The following MCM4 variants were observed in gnomAD, a reference collection of about 807,000 sequenced individuals.
MCM4 encodes the protein DNA replication licensing factor MCM4.
A neutral mutation model predicts 88.7 loss-of-function variants in MCM4; 60 were observed. The observed-to-expected ratio is 0.68, with a 90% confidence interval of 0.55 to 0.84. The LOEUF is 0.84. Ranked by LOEUF, MCM4 falls within the 40% of genes least tolerant of loss-of-function variation. MCM4 has a pLI of 0.00. For missense variants in MCM4, 1,149 were observed against 1,105.5 expected (o/e 1.04, Z -0.56); for synonymous variants, 465 against 410.5 (o/e 1.13, Z -1.61).
intron 14 of MCM4, 120 bp downstream of exon 14, chr8:47,973,184 G>C (rs1416429324): frequency 1.0e-6 from 1 of 961,396 alleles, no homozygotes; most frequent in African/African-American, 1.6e-5. Context: ...TCTCTTCCTT[G>C]TTTTGAGACA....
At position 47,970,617 on chromosome 8, in the gene MCM4, C is replaced by T; in HGVS notation, c.1541C>T (p.Thr514Ile). Residue 514 changes from threonine to isoleucine, a missense_variant, in exon 12 of 17, where the codon ACC (threonine) becomes ATC (isoleucine). This residue lies in a region of MCM4 where 906 missense variants were observed against 843.0 expected (regional missense o/e 1.07). Coordinates refer to ENST00000649973, the MANE Select transcript of MCM4 (RefSeq NM_182746.3). Reference sequence around the variant, plus strand: ...ATCTTGCTGTGTGGCGACCCTGGTACCAGCAAGTCCCAGCTGCTGCAGTAC... The same window carrying T: ...ATCTTGCTGTGTGGCGACCCTGGTATCAGCAAGTCCCAGCTGCTGCAGTAC... ...INILLCGDPG[T>I]SKSQLLQYVY... 1.9e-6 allele frequency: 3 copies of T among 1,614,098 alleles called. No homozygotes were observed. Among genetic ancestry groups the T allele is most frequent in the East Asian group, 2.2e-5 (1 of 44,876 alleles).
chr8:47,973,009 C>T lies in MCM4; in HGVS notation c.2081C>T (p.Ala694Val), dbSNP rs748879338. Residue 694 changes from alanine (A) to valine (V), a missense_variant, in exon 14 of 17, where the codon GCG (alanine) becomes GTG (valine). Ala to Val is a moderately conservative substitution (Grantham distance 64, BLOSUM62 0). Around this residue, in one of 3 missense-constraint regions of MCM4, gnomAD observed 238 missense variants for 241.6 expected, o/e 0.99. Transcript: ENST00000649973. The stretch of plus-strand genomic sequence containing the variant: ...GTGCTAAAGGACTACATTGCCTACG[C>T]GCACAGCACCATCATGCCGCGGCTA... ...MAVLKDYIAY[A>V]HSTIMPRLSE... 14 of 1,614,098 alleles carry T rather than the reference C, an allele frequency of 8.7e-6. No homozygotes were observed. The highest frequency in any genetic ancestry group is 5.5e-5 in the South Asian group (5 of 91,082).
At position 47,972,993 on chromosome 8, in the gene MCM4, G is replaced by C; in HGVS notation, c.2065G>C (p.Asp689His). ...EELLDMAVLKDYIAYAHSTIM... is the reference protein window; with the variant it reads ...EELLDMAVLKHYIAYAHSTIM... ...GCTCCTGGACATGGCGGTGCTAAAG[G>C]ACTACATTGCCTACGCGCACAGCAC... The change falls in exon 14 of 17, where the codon GAC (aspartate) becomes CAC (histidine). Residue 689 changes from aspartate to histidine, a missense_variant. Asp to His is a moderately conservative substitution (Grantham distance 81, BLOSUM62 -1). Around this residue, in one of 3 missense-constraint regions of MCM4, gnomAD observed 238 missense variants for 241.6 expected, o/e 0.99. Transcript: ENST00000649973. 6.2e-7 allele frequency: 1 copy of C among 1,614,174 alleles called. No homozygotes were observed. Among genetic ancestry groups the C allele is most frequent in the Non-Finnish European group, 8.5e-7 (1 of 1,180,022 alleles).
At chr8:47,964,487 T>A (rs2090879470) in intron 7 of MCM4, 87 bp from the exon 8 acceptor site, 1 of 1,046,002 alleles carries the variant, frequency 9.6e-7, no homozygotes, top group African/African-American at 1.6e-5. Flanking sequence ...ACATGTTGTC[T>A]TTTTATACTT....
intron 5 of MCM4, 78 bp from the exon 6 acceptor site, chr8:47,962,686 C>A: frequency 2.5e-6 from 2 of 808,792 alleles, no homozygotes; most frequent in Non-Finnish European, 4.1e-6. Flanking sequence ...TAGTGACATA[C>A]TCATAACTTT....
chr8:47,961,352 G>T, intron 2 of MCM4, 138 bp downstream of exon 2: 1 of 1,481,068 alleles, frequency 6.8e-7, no homozygotes, highest in Non-Finnish European at 8.9e-7. Context: ...GGTGCGCACA[G>T]ACACCCACAG....
intron 8 of MCM4, among the ~76,000 whole-genome samples, chr8:47,964,916 A>G (rs1563831950): frequency 6.6e-6 from 1 of 152,232 alleles, no homozygotes; most frequent in African/African-American, 2.4e-5. Flanking sequence ...AGTTTCTGAT[A>G]TAAGAGATGT....
chr8:47,976,595 G>C, intron 16 of MCM4, 91 bp from the exon 17 acceptor site: 1 of 892,332 alleles, frequency 1.1e-6, no homozygotes, highest in South Asian at 1.5e-5. Flanking sequence ...AAGATTCTGG[G>C]TGGTACTTTA....
intron 14 of MCM4, 32 bp from the exon 15 acceptor site, chr8:47,974,702 T>C (rs947056868): frequency 1.3e-6 from 2 of 1,569,210 alleles, no homozygotes; most frequent in Non-Finnish European, 8.8e-7. Context: ...CAAGGAGGTT[T>C]GCTTTTGCTT....
chr8:47,975,697 G>C lies in MCM4; in HGVS notation c.2366-18G>C. On this transcript the variant is annotated intron_variant, in intron 15 of 16. Coordinates refer to ENST00000649973, the MANE Select transcript of MCM4 (RefSeq NM_182746.3). ...TCATAATAGCAAAAATGTTTTCATT[G>C]ATTTCTTTTTAAATCAGGGATGAGT... is the stretch of plus-strand genomic sequence containing the variant. 1 of 1,505,080 alleles carries C rather than the reference G, an allele frequency of 6.6e-7. No individual in the cohort carries two copies. The highest frequency in any genetic ancestry group is 8.8e-7 in the Non-Finnish European group (1 of 1,133,000). The allele number at this position is 1,505,080 out of a possible 1,614,324, so 93.2% of individuals were successfully genotyped here.
At position 47,975,846 on chromosome 8, in the gene MCM4, A is replaced by C. The variant is rs746394943; in HGVS notation, c.2497A>C (p.Ile833Leu). ...TGAAGATATTCGGGGACAATCTGAC[A>C]TAGTAAGTGTTTATATGTATTTTTT... ...LFEDIRGQSD[I>L]AITKDMFEEA... Residue 833 changes from isoleucine to leucine, a missense_variant and splice_region_variant, in exon 16 of 17, where the codon ATA becomes CTA. Transcript: ENST00000649973. The C allele has an allele frequency of 3.4e-5, 53 of 1,556,136 alleles. No homozygotes were observed. The highest frequency in any genetic ancestry group is 4.5e-5 in the Non-Finnish European group (52 of 1,158,396).
chr8:47,976,587 G>C, intron 16 of MCM4, 99 bp from the exon 17 acceptor site: 1 of 829,168 alleles, frequency 1.2e-6, no homozygotes, highest in Non-Finnish European at 1.9e-6. Context: ...AAAAGAGAAA[G>C]ATTCTGGGTG....
chr8:47,967,324 T>C, intron 9 of MCM4, 41 bp from the exon 10 acceptor site: 1 of 1,612,498 alleles, frequency 6.2e-7, no homozygotes, highest in South Asian at 1.1e-5. Flanking sequence ...CCCCCTGCCC[T>C]CTCTTTGTGG....
intron 16 of MCM4, among the ~76,000 whole-genome samples, chr8:47,976,305 AAAG>A (rs1209371401): frequency 3.3e-5 from 5 of 152,052 alleles, no homozygotes; most frequent in African/African-American, 1.2e-4. Context: ...AAAAAAAAAA[AAAG>A]AAAAAATTGT....
intron 14 of MCM4, 147 bp from the exon 15 acceptor site, chr8:47,974,587 T>A (rs1238449684): frequency 1.5e-6 from 1 of 680,178 alleles, no homozygotes; most frequent in Non-Finnish European, 2.6e-6. Flanking sequence ...GTCTGTGTAG[T>A]CTCTACCACT....
At chr8:47,964,532 T>G (rs2090879961) in intron 7 of MCM4, 42 bp from the exon 8 acceptor site, 2 of 1,488,656 alleles carry the variant, frequency 1.3e-6, no homozygotes, top group East Asian at 4.6e-5. Context: ...TATTTAACAC[T>G]GAGATATGAA....
At chr8:47,975,951 A>C (rs969864600) in intron 16 of MCM4, 103 bp downstream of exon 16, 3 of 851,602 alleles carry the variant, frequency 3.5e-6, no homozygotes, top group Non-Finnish European at 4.8e-6. Flanking sequence ...AATATAGAGA[A>C]GAATGAAGAA....
At position 47,963,035 on chromosome 8, in the gene MCM4, CCACA is replaced by C; in HGVS notation, c.689_692del (p.Pro230ArgfsTer24). On this transcript the variant is annotated frameshift_variant and splice_region_variant, in exon 7 of 17. Transcript: ENST00000649973. LOFTEE classifies it high-confidence loss of function. ...TTTGTACAGACAACTCATCTCTTAC[CCACA>C]GGTAAGAATTTAGCTTTGACCTTGA... The C allele has an allele frequency of 6.4e-7, 1 of 1,574,774 alleles. No homozygotes were observed. Among genetic ancestry groups the C allele is most frequent in the Non-Finnish European group, 8.7e-7 (1 of 1,154,656 alleles).
Position 47,974,865 on chromosome 8 carries a change from T to C in MCM4, c.2268T>C (p.Ile756=). 1.2e-6 allele frequency: 2 copies of C among 1,614,268 alleles called. No homozygotes were observed. Among genetic ancestry groups the C allele is most frequent in the South Asian group, 1.1e-5 (1 of 91,084 alleles). The change falls in exon 15 of 17, where the codon ATT becomes ATC. Residue 756 remains isoleucine, a synonymous_variant. Transcript: ENST00000649973. ...GATTGTCTAACAAAGTTGAAGCCATTGATGTGGAAGAGGCCAAACGCCTCC... is the reference window on the plus strand; with the variant it reads ...GATTGTCTAACAAAGTTGAAGCCATCGATGTGGAAGAGGCCAAACGCCTCC... ...KVRLSNKVEA[I]DVEEAKRLHR...
Sources: gnomAD v4.1 joint callset for allele counts (sites outside exome capture counted in the v4.1 genomes callset) on GRCh38, gnomAD v4.1.1 for gene constraint, gnomAD v4.1.1 regional missense constraint, MANE v1.5 for transcripts, NCBI Gene and HGNC (gene_info 2026-07-23, HGNC 2026-07-21) for gene names.